The following TMEM132C variants were observed in gnomAD, a reference collection of about 807,000 sequenced individuals.
The protein encoded by TMEM132C is protein phosphatase 1, regulatory subunit 152.
In TMEM132C, 29 loss-of-function variants were observed where a neutral mutation model predicts 61.4. The ratio of observed to expected loss-of-function variants is 0.47; its 90% CI spans 0.35 to 0.64. The LOEUF (loss-of-function observed/expected upper bound fraction) is 0.64. Ranked by LOEUF, TMEM132C falls within the 30% of genes least tolerant of loss-of-function variation. The pLI, the probability that TMEM132C is intolerant of heterozygous loss-of-function variation, is 0.00. For synonymous variants in TMEM132C, 656 were observed against 633.1 expected (o/e 1.04, Z -0.54); for missense variants, 1,408 against 1,476.9 (o/e 0.95, Z 0.76).
In TMEM132C at chr12:128,392,201, C is replaced by G. The variant is rs1212934462; in HGVS notation, c.86-22531C>G. 2.0e-5 allele frequency among the ~76,000 whole-genome samples: 3 copies of G among 152,206 alleles called. No individual in the cohort carries two copies. In the East Asian group the frequency reaches 5.8e-4, roughly 29 times the overall value. On this transcript the variant is annotated intron_variant, in intron 1 of 8. Transcript: ENST00000435159. ...ATTTCAATAAGCCTCTGCAGCAGCT[C>G]CTGGGGGGAGGTGGGTTGTCACTGC...
intron 1 of TMEM132C, among the ~76,000 whole-genome samples, chr12:128,347,154 C>T (rs1593019654): frequency 6.6e-6 from 1 of 152,278 alleles, no homozygotes; most frequent in East Asian, 1.9e-4. Flanking sequence ...TTAGTTCTCA[C>T]TTACAGATGA....
rs902546209 is a variant in TMEM132C at position 128,435,794 on chromosome 12, CTACTT to C, written c.974+20177_974+20181del. 5.1e-3 allele frequency among the ~76,000 whole-genome samples: 783 copies of C among 152,270 alleles called. 7 individuals are homozygous for C. The highest frequency in any genetic ancestry group is 0.018 in the African/African-American group (752 of 41,528). The stretch of plus-strand genomic sequence containing the variant: ...CTTTCTTCACAGAACTGGAAAAAAA[CTACTT>C]TAAAGTTTATATGGAACCAAAAAAG... On this transcript the variant is annotated intron_variant, in intron 2 of 8. Coordinates refer to ENST00000435159, the MANE Select transcript of TMEM132C (RefSeq NM_001136103.3).
chr12:128,464,795 AGGGAGGGAGGGAG>A (rs1870670254), intron 2 of TMEM132C, among the ~76,000 whole-genome samples: 2 of 151,514 alleles, frequency 1.3e-5, no homozygotes, highest in African/African-American at 2.4e-5. Context: ...AGAGAAAGAG[AGGGAGGGAGGGAG>A]GAAGGAAGAA....
At chr12:128,636,034 A>T (rs1453861035) in intron 4 of TMEM132C, among the ~76,000 whole-genome samples, 2 of 152,044 alleles carry the variant, frequency 1.3e-5, no homozygotes, top group Non-Finnish European at 2.9e-5. Context: ...TTCTCAGGAG[A>T]TGTTCTAAAT....
chr12:128,405,267 A>G (rs545892934), intron 1 of TMEM132C, among the ~76,000 whole-genome samples: 2 of 152,254 alleles, frequency 1.3e-5, no homozygotes, highest in East Asian at 1.9e-4. Flanking sequence ...GCTGGCAACC[A>G]CTTATGATTC....
rs1407014362 is a variant in TMEM132C at position 128,560,101 on chromosome 12, G to T, written c.1121+15998G>T. 5.2e-4 allele frequency among the ~76,000 whole-genome samples: 79 copies of T among 152,168 alleles called. 1 individual carries two copies. Among genetic ancestry groups the T allele is most frequent in the Admixed American group, 5.1e-3 (78 of 15,284 alleles). On this transcript the variant is annotated intron_variant, in intron 3 of 8. Transcript: ENST00000435159. Reference sequence around the variant, plus strand: ...TGTCTCTACAAAAATACAAAAGTTAGCCAGGCATGGTGGCACATGCCTGTA... The same window carrying T: ...TGTCTCTACAAAAATACAAAAGTTATCCAGGCATGGTGGCACATGCCTGTA...
At chr12:128,424,003 T>TGC (rs1565931806) in intron 2 of TMEM132C, among the ~76,000 whole-genome samples, 1 of 130,456 alleles carries the variant, frequency 7.7e-6, no homozygotes, top group African/African-American at 2.9e-5. Context: ...GCCGAGATCA[T>TGC]GCCACTGCAC....
Position 128,326,286 on chromosome 12 carries a change from C to G in TMEM132C, c.85+58799C>G, listed in dbSNP as rs750595053. ...ACCATCACTCCATGAACCCCCCAGC[C>G]TCCCTGGGCTCTTCTCCGTGTCCGA... On this transcript the variant is annotated intron_variant, in intron 1 of 8. Transcript: ENST00000435159. This position sits in a 1 kb window ranked among gnomAD's most constrained non-coding sequence, Gnocchi z 5.6. Among the ~76,000 whole-genome samples, 2 of 152,196 alleles carry G rather than the reference C, an allele frequency of 1.3e-5. No individual in the cohort carries two copies. Among genetic ancestry groups the G allele is most frequent in the African/African-American group, 4.8e-5 (2 of 41,450 alleles).
chr12:128,417,372 C>T (rs1296883293), intron 2 of TMEM132C, among the ~76,000 whole-genome samples: 1 of 152,164 alleles, frequency 6.6e-6, no homozygotes, highest in African/African-American at 2.4e-5. Flanking sequence ...AGCCAAGCCA[C>T]CTGGGTCCCT....
chr12:128,349,470 C>T (rs930265547), intron 1 of TMEM132C, among the ~76,000 whole-genome samples: 4 of 152,216 alleles, frequency 2.6e-5, no homozygotes, highest in South Asian at 2.1e-4. Context: ...TCTTGGATCA[C>T]GGGGGTTGGG....
chr12:128,311,699 T>A (rs542204382), intron 1 of TMEM132C, among the ~76,000 whole-genome samples: 1 of 152,336 alleles, frequency 6.6e-6, no homozygotes, highest in South Asian at 2.1e-4. Context: ...GGCTGCGGTG[T>A]GGCCATCCGC....
intron 4 of TMEM132C, among the ~76,000 whole-genome samples, chr12:128,652,238 C>T (rs1954278546): frequency 6.6e-6 from 1 of 152,164 alleles, no homozygotes; most frequent in Admixed American, 6.5e-5. Context: ...CTCGTCTGCA[C>T]ATCAAAGGGA....
At chr12:128,459,227 C>T (rs1870447154) in intron 2 of TMEM132C, among the ~76,000 whole-genome samples, 2 of 152,134 alleles carry the variant, frequency 1.3e-5, no homozygotes, top group South Asian at 4.2e-4. Context: ...GAGAATGTAG[C>T]CATTGAGAGC....
In TMEM132C at chr12:128,355,804, A is replaced by T. The variant is rs74521637; in HGVS notation, c.86-58928A>T. Among the ~76,000 whole-genome samples, 1,288 of 151,862 alleles carry T rather than the reference A, an allele frequency of 8.5e-3. 14 individuals carry two copies. Among genetic ancestry groups the T allele is most frequent in the African/African-American group, 0.028 (1,179 of 41,400 alleles). Reference sequence around the variant, plus strand: ...CAAAGTGCTCCCCTCCCACATCTGCATGGTTTATAGCTCTGCCTCCTTTGG... The same window carrying T: ...CAAAGTGCTCCCCTCCCACATCTGCTTGGTTTATAGCTCTGCCTCCTTTGG... On this transcript the variant is annotated intron_variant, in intron 1 of 8. Coordinates refer to ENST00000435159, the MANE Select transcript of TMEM132C (RefSeq NM_001136103.3).
intron 2 of TMEM132C, among the ~76,000 whole-genome samples, chr12:128,445,415 G>A (rs141401488): frequency 1.3e-5 from 2 of 152,194 alleles, no homozygotes; most frequent in African/African-American, 2.4e-5. Flanking sequence ...TTTTTGCGAG[G>A]CACTTTCAAA....
At chr12:128,562,227 G>A (rs571212701) in intron 3 of TMEM132C, among the ~76,000 whole-genome samples, 5 of 152,254 alleles carry the variant, frequency 3.3e-5, no homozygotes, top group Non-Finnish European at 7.4e-5. Flanking sequence ...TGAGGTTGTG[G>A]TTCAGGAGAA....
intron 1 of TMEM132C, among the ~76,000 whole-genome samples, chr12:128,389,612 G>A (rs1049885478): frequency 3.3e-5 from 5 of 150,836 alleles, no homozygotes; most frequent in Non-Finnish European, 1.5e-5. Context: ...ATCATGGAGG[G>A]AGCACTTGCA....
At chr12:128,469,886 A>G (rs909642833) in intron 2 of TMEM132C, among the ~76,000 whole-genome samples, 4 of 152,150 alleles carry the variant, frequency 2.6e-5, no homozygotes, top group African/African-American at 9.7e-5. Flanking sequence ...ATGCATATGT[A>G]TATACACACA....
At chr12:128,518,074 C>T (rs529090571) in intron 2 of TMEM132C, among the ~76,000 whole-genome samples, 1 of 152,194 alleles carries the variant, frequency 6.6e-6, no homozygotes, top group Non-Finnish European at 1.5e-5. Flanking sequence ...TAAGCTCCAG[C>T]CTTTTCTCTT....
Sources: gnomAD v4.1 joint callset for allele counts (sites outside exome capture counted in the v4.1 genomes callset) on GRCh38, gnomAD v4.1.1 for gene constraint, Gnocchi (gnomAD v3.1) non-coding constraint, MANE v1.5 for transcripts, NCBI Gene and HGNC (gene_info 2026-07-23, HGNC 2026-07-21) for gene names.